LAMA2: variants seen among roughly 807,000 people sequenced by gnomAD.
LAMA2 encodes laminin subunit alpha 2.
A neutral mutation model predicts 364.8 loss-of-function variants in LAMA2; 269 were observed. That is an observed-to-expected ratio of 0.74 (90% confidence interval 0.67 to 0.82). The LOEUF (loss-of-function observed/expected upper bound fraction) is 0.82. LAMA2 is among the 40% of genes least tolerant of loss of function. LAMA2 has a pLI of 0.00. For synonymous variants in LAMA2, 1,379 were observed against 1,370.6 expected (o/e 1.01, Z -0.14); for missense variants, 3,807 against 3,873.2 (o/e 0.98, Z 0.45).
intron 1 of LAMA2, among the ~76,000 whole-genome samples, chr6:128,962,773 C>G (rs1221191081): frequency 2.6e-5 from 4 of 152,094 alleles, no homozygotes; most frequent in Non-Finnish European, 5.9e-5. Context: ...TTACAAATAT[C>G]TTATGCATGT....
chr6:129,386,251 A>G (rs192997614), intron 35 of LAMA2, among the ~76,000 whole-genome samples: 7 of 152,234 alleles, frequency 4.6e-5, no homozygotes, highest in Admixed American at 6.5e-5. Context: ...TTGAAGTGAT[A>G]GTGCATACTT....
chr6:129,052,136 T>C (rs1365214179), intron 2 of LAMA2, among the ~76,000 whole-genome samples: 2 of 67,006 alleles, frequency 3.0e-5, no homozygotes, highest in Non-Finnish European at 6.0e-5. Flanking sequence ...TTTCTTCTCC[T>C]TTTTTTTTTT....
chr6:129,482,929 T>C (rs1014967455), intron 55 of LAMA2, among the ~76,000 whole-genome samples: 11 of 151,958 alleles, frequency 7.2e-5, no homozygotes, highest in Admixed American at 5.9e-4. Flanking sequence ...TAGCCAGGCA[T>C]GGTAGCAGGT....
intron 12 of LAMA2, among the ~76,000 whole-genome samples, chr6:129,224,969 T>C (rs997374544): frequency 1.1e-4 from 16 of 152,026 alleles, no homozygotes; most frequent in African/African-American, 3.9e-4. Flanking sequence ...GTCCTGGACT[T>C]TTTTTGGTTG....
chr6:129,454,616 A>G (rs1270695938), intron 47 of LAMA2, among the ~76,000 whole-genome samples: 1 of 152,156 alleles, frequency 6.6e-6, no homozygotes, highest in African/African-American at 2.4e-5. Flanking sequence ...ATACAAGCCA[A>G]AGCATAAGAG....
intron 29 of LAMA2, 58 bp downstream of exon 29, chr6:129,328,470 C>T: frequency 1.9e-6 from 3 of 1,613,222 alleles, no homozygotes; most frequent in Non-Finnish European, 2.5e-6. Context: ...TTTACACATG[C>T]TCAGCATCTG....
intron 2 of LAMA2, among the ~76,000 whole-genome samples, chr6:129,056,141 G>A (rs375668462): frequency 2.6e-5 from 4 of 152,088 alleles, no homozygotes; most frequent in African/African-American, 7.2e-5. Context: ...CATATTAAAC[G>A]CACAATCTGT....
chr6:128,893,342 C>T (rs1776574512), intron 1 of LAMA2, among the ~76,000 whole-genome samples: 1 of 151,658 alleles, frequency 6.6e-6, no homozygotes, highest in African/African-American at 2.4e-5. Flanking sequence ...TTGCTCCACC[C>T]CCTTTCTTTG....
chr6:128,977,130 G>T (rs923690678), intron 1 of LAMA2, among the ~76,000 whole-genome samples: 4 of 13,004 alleles, frequency 3.1e-4, no homozygotes, highest in African/African-American at 5.8e-4. Flanking sequence ...TCAATTTTCA[G>T]CCTCTCTTTT....
At chr6:129,416,407 T>C (rs924546888) in intron 40 of LAMA2, among the ~76,000 whole-genome samples, 3 of 152,140 alleles carry the variant, frequency 2.0e-5, no homozygotes, top group African/African-American at 7.2e-5. Flanking sequence ...TTTGTTTTCT[T>C]ACTGTATATT....
At chr6:129,493,042 CT>C (rs1255392746) in intron 58 of LAMA2, among the ~76,000 whole-genome samples, 1 of 152,092 alleles carries the variant, frequency 6.6e-6, no homozygotes, top group Non-Finnish European at 1.5e-5. Context: ...GTAGTCCCAG[CT>C]ACTCAGTAGG....
intron 12 of LAMA2, among the ~76,000 whole-genome samples, chr6:129,224,136 G>A (rs1391851436): frequency 6.6e-6 from 1 of 152,052 alleles, no homozygotes; most frequent in African/African-American, 2.4e-5. Flanking sequence ...TCATGATTTG[G>A]CTCTCTGATT....
At chr6:129,084,500 T>A (rs1774257425) in intron 3 of LAMA2, among the ~76,000 whole-genome samples, 1 of 152,150 alleles carries the variant, frequency 6.6e-6, no homozygotes, top group Non-Finnish European at 1.5e-5. Context: ...AATTTTGAAG[T>A]TTCTGACCTA....
intron 17 of LAMA2, among the ~76,000 whole-genome samples, chr6:129,273,560 T>C (rs759392705): frequency 3.2e-4 from 49 of 152,206 alleles, no homozygotes; most frequent in Non-Finnish European, 5.3e-4. Context: ...ATTAGGGAGA[T>C]AATTTTGCTT....
chr6:129,446,482 T>G (rs533947707), intron 45 of LAMA2, among the ~76,000 whole-genome samples: 1 of 125,622 alleles, frequency 8.0e-6, no homozygotes, highest in African/African-American at 3.0e-5. Flanking sequence ...CGTGAAACTT[T>G]AGTCAAAGGA....
intron 3 of LAMA2, 63 bp from the exon 4 acceptor site, chr6:129,098,110 T>A: frequency 7.2e-6 from 11 of 1,522,160 alleles, no homozygotes; most frequent in Non-Finnish European, 1.0e-5. Context: ...AGACTTATAT[T>A]TGACATAAAA....
At chr6:129,240,184 G>A (rs1382791233) in intron 12 of LAMA2, among the ~76,000 whole-genome samples, 3 of 152,182 alleles carry the variant, frequency 2.0e-5, no homozygotes, top group Middle Eastern at 3.2e-3. Context: ...GACCTTCCAC[G>A]TTCTCCTGCC....
intron 1 of LAMA2, among the ~76,000 whole-genome samples, chr6:128,960,769 C>A (rs1245574046): frequency 2.0e-5 from 3 of 152,014 alleles, no homozygotes; most frequent in African/African-American, 7.2e-5. Flanking sequence ...TTTAATAATT[C>A]TTTTGTGCTT....
At chr6:129,281,817 C>T (rs532076940) in intron 18 of LAMA2, among the ~76,000 whole-genome samples, 1 of 152,272 alleles carries the variant, frequency 6.6e-6, no homozygotes, top group East Asian at 1.9e-4. Context: ...AGTTTTTCCA[C>T]AGTTGATACC....
Sources: gnomAD v4.1 joint callset for allele counts (sites outside exome capture counted in the v4.1 genomes callset) on GRCh38, gnomAD v4.1.1 for gene constraint, MANE v1.5 for transcripts, NCBI Gene and HGNC (gene_info 2026-07-23, HGNC 2026-07-21) for gene names.